The following DTNA variants were observed in gnomAD, a reference collection of about 807,000 sequenced individuals.
DTNA encodes dystrobrevin alpha.
In DTNA, 43 loss-of-function variants were observed where a neutral mutation model predicts 100.7. That is an observed-to-expected ratio of 0.43 (90% CI 0.33 to 0.55). The LOEUF is 0.55. DTNA is among the 20% of genes least tolerant of loss of function. DTNA has a pLI of 0.04. For synonymous variants in DTNA, 349 were observed against 347.9 expected, an observed-to-expected ratio of 1.00 and a Z score of -0.04; for missense variants, 798 against 953.9, an observed-to-expected ratio of 0.84 and a Z score of 2.15.
At chr18:34,850,954 AAGT>A (rs1306759909) in intron 14 of DTNA, among the ~76,000 whole-genome samples, 1 of 152,180 alleles carries the variant, frequency 6.6e-6, no homozygotes, top group Non-Finnish European at 1.5e-5. Context: ...AGTGGTGAGA[AAGT>A]AGAAGGAAAT....
At chr18:34,731,028 T>C (rs2088002507) in intron 1 of DTNA, among the ~76,000 whole-genome samples, 2 of 152,214 alleles carry the variant, frequency 1.3e-5, no homozygotes, top group Admixed American at 6.5e-5. Context: ...GAAATTTAGC[T>C]CTCTTCTGTT....
chr18:34,545,571 G>A (rs2044693058), intron 1 of DTNA, among the ~76,000 whole-genome samples: 4 of 152,150 alleles, frequency 2.6e-5, no homozygotes, highest in Non-Finnish European at 5.9e-5. Flanking sequence ...TTTCATGGTA[G>A]CATGTAAAAC....
At chr18:34,821,813 G>A (rs868833183) in intron 9 of DTNA, among the ~76,000 whole-genome samples, 2 of 152,122 alleles carry the variant, frequency 1.3e-5, no homozygotes, top group Non-Finnish European at 2.9e-5. Flanking sequence ...GGGACCTACC[G>A]GTATAGGAAT....
At chr18:34,836,061 T>C (rs1018323912) in intron 11 of DTNA, among the ~76,000 whole-genome samples, 2 of 152,120 alleles carry the variant, frequency 1.3e-5, no homozygotes, top group African/African-American at 2.4e-5. Context: ...CAAAAAAGAA[T>C]TGGGGGGATA....
chr18:34,758,802 A>G (rs2092951152), intron 2 of DTNA, among the ~76,000 whole-genome samples: 1 of 152,222 alleles, frequency 6.6e-6, no homozygotes, highest in Admixed American at 6.5e-5. Context: ...GAAGAAGTCT[A>G]TCTAAAGTTA....
At chr18:34,752,350 A>G (rs1468881759) in intron 1 of DTNA, among the ~76,000 whole-genome samples, 2 of 152,224 alleles carry the variant, frequency 1.3e-5, no homozygotes, top group African/African-American at 4.8e-5. Flanking sequence ...CTACAGAATG[A>G]CATGCTCTTC....
intron 1 of DTNA, among the ~76,000 whole-genome samples, chr18:34,575,725 A>T (rs1358347903): frequency 2.0e-5 from 3 of 152,118 alleles, no homozygotes; most frequent in Non-Finnish European, 4.4e-5. Flanking sequence ...TTGGGATTGG[A>T]TGGATTCTGA....
chr18:34,847,546 A>G (rs961811430), intron 13 of DTNA, among the ~76,000 whole-genome samples: 6 of 152,172 alleles, frequency 3.9e-5, no homozygotes, highest in Non-Finnish European at 7.4e-5. Context: ...TGAGGTTGCA[A>G]TCAAGATGTC....
chr18:34,858,531 C>T (rs2096579312), intron 16 of DTNA, 133 bp downstream of exon 16: 12 of 826,080 alleles, frequency 1.5e-5, no homozygotes, highest in South Asian at 1.0e-4. Flanking sequence ...ATAGCACACA[C>T]GTAATTGCTG....
At chr18:34,836,128 G>A (rs575382994) in intron 11 of DTNA, among the ~76,000 whole-genome samples, 7 of 152,322 alleles carry the variant, frequency 4.6e-5, no homozygotes, top group Admixed American at 1.3e-4. Context: ...ATCTGCTTCA[G>A]TAGACAAAGT....
intron 1 of DTNA, among the ~76,000 whole-genome samples, chr18:34,511,337 A>C (rs1451383602): frequency 6.6e-6 from 1 of 152,138 alleles, no homozygotes; most frequent in Non-Finnish European, 1.5e-5. Flanking sequence ...CCTACTCAGT[A>C]ACCCTTTGTG....
intron 3 of DTNA, among the ~76,000 whole-genome samples, chr18:34,784,296 A>T (rs2094437675): frequency 6.6e-6 from 1 of 152,256 alleles, no homozygotes; most frequent in Non-Finnish European, 1.5e-5. Flanking sequence ...TTGAAAAATT[A>T]AGAGTGTTAT....
intron 1 of DTNA, among the ~76,000 whole-genome samples, chr18:34,690,991 T>A (rs1202852747): frequency 6.6e-6 from 1 of 152,166 alleles, no homozygotes; most frequent in Admixed American, 6.5e-5. Flanking sequence ...CGAGGTTAAG[T>A]AGGTTGAAGG....
chr18:34,870,128 T>C (rs1051423246), intron 17 of DTNA, among the ~76,000 whole-genome samples: 1 of 152,270 alleles, frequency 6.6e-6, no homozygotes, highest in African/African-American at 2.4e-5. Context: ...ACTTTGGGAT[T>C]GAATTGTTTC....
At chr18:34,658,901 C>T (rs150872623) in intron 1 of DTNA, among the ~76,000 whole-genome samples, 1 of 152,356 alleles carries the variant, frequency 6.6e-6, no homozygotes, top group East Asian at 1.9e-4. Context: ...GGCTAACACT[C>T]TTTCTCCACT....
At chr18:34,753,406 G>A (rs1359906850) in intron 1 of DTNA, among the ~76,000 whole-genome samples, 4 of 114,558 alleles carry the variant, frequency 3.5e-5, no homozygotes, top group African/African-American at 8.6e-5. Context: ...TTTTTGAGAC[G>A]GAGTCTCGCT....
At chr18:34,805,545 A>C (rs567783795) in intron 4 of DTNA, among the ~76,000 whole-genome samples, 9 of 152,192 alleles carry the variant, frequency 5.9e-5, no homozygotes, top group African/African-American at 1.9e-4. Context: ...GGCTGGTCTC[A>C]AACTCCTGAC....
At chr18:34,670,750 A>G (rs1162762293) in intron 1 of DTNA, among the ~76,000 whole-genome samples, 1 of 152,216 alleles carries the variant, frequency 6.6e-6, no homozygotes, top group East Asian at 1.9e-4. Context: ...ATTGCTGAAT[A>G]GCAGATGTTG....
intron 22 of DTNA, among the ~76,000 whole-genome samples, chr18:34,887,107 A>G (rs1467864754): frequency 6.6e-6 from 1 of 152,210 alleles, no homozygotes; most frequent in Non-Finnish European, 1.5e-5. Flanking sequence ...CGCCAGAGAC[A>G]TAGAAGATGC....
Sources: allele counts gnomAD v4.1 joint callset (sites outside exome capture counted in the v4.1 genomes callset), GRCh38; gene constraint gnomAD v4.1.1; transcripts MANE v1.5; gene names NCBI Gene and HGNC (gene_info 2026-07-23, HGNC 2026-07-21).